COL18A1: variants seen among roughly 807,000 people sequenced by gnomAD.
COL18A1 encodes collagen type XVIII alpha 1 chain, also known as collagen alpha-1(XVIII) chain.
Under a neutral mutation model 168.0 loss-of-function variants are expected in COL18A1, and 133 were observed. That is an observed-to-expected ratio of 0.79 (90% confidence interval 0.69 to 0.91). COL18A1 has a LOEUF of 0.91. COL18A1 is among the 40% of genes least tolerant of loss of function. The probability of loss-of-function intolerance (pLI) is 0.00; values close to 1 mark genes in which losing one functional copy is unlikely to be tolerated. For missense variants in COL18A1, 2,126 were observed against 1,925.4 expected, an observed-to-expected ratio of 1.10 and a Z score of -1.95; for synonymous variants, 949 against 809.0, an observed-to-expected ratio of 1.17 and a Z score of -2.94.
At chr21:45,458,334 G>A (rs929700215) in intron 2 of COL18A1, among the ~76,000 whole-genome samples, 13 of 148,690 alleles carry the variant, frequency 8.7e-5, no homozygotes, top group East Asian at 2.0e-4. Flanking sequence ...TTGGCATCTC[G>A]TAGGGCTGGA....
chr21:45,470,947 G>A (rs1336925188), intron 3 of COL18A1, among the ~76,000 whole-genome samples: 1 of 151,000 alleles, frequency 6.6e-6, no homozygotes. Flanking sequence ...TGGGTGGCGT[G>A]CAGCAGGCCG....
chr21:45,497,470 T>G, intron 31 of COL18A1, 129 bp from the exon 32 acceptor site: 1 of 1,277,846 alleles, frequency 7.8e-7, no homozygotes, highest in Non-Finnish European at 1.1e-6. Context: ...CTACCCTGAC[T>G]GTCCCCATGT....
chr21:45,482,310 G>C, intron 14 of COL18A1: 2 of 680,892 alleles, frequency 2.9e-6, no homozygotes, highest in Non-Finnish European at 5.4e-6. Context: ...TTGGTTACGG[G>C]GCAGTGGCCA....
rs535117992 is a variant in COL18A1, at chr21:45,416,227, C to T, written c.106+10754C>T. Reference sequence around the variant, plus strand: ...GGGAATGGGGACCTTCTCTGAGGTCCATCTTGGTCAGGAGCAGTAGGGCCG... The same window carrying T: ...GGGAATGGGGACCTTCTCTGAGGTCTATCTTGGTCAGGAGCAGTAGGGCCG... On this transcript the variant is annotated intron_variant, in intron 2 of 41. Coordinates refer to ENST00000651438, the MANE Select transcript of COL18A1 (RefSeq NM_001379500.1). Among the ~76,000 whole-genome samples, 13 of 152,290 alleles carry T rather than the reference C, an allele frequency of 8.5e-5. No individual in the cohort carries two copies. In the East Asian group the frequency reaches 2.5e-3, roughly 29 times the overall value.
intron 2 of COL18A1, among the ~76,000 whole-genome samples, chr21:45,437,805 C>A (rs1458996155): frequency 1.4e-5 from 1 of 71,260 alleles, no homozygotes; most frequent in Non-Finnish European, 2.4e-5. Context: ...GACACACAGG[C>A]ACTCTCCTGC....
intron 2 of COL18A1, among the ~76,000 whole-genome samples, chr21:45,439,201 G>C (rs914309117): frequency 6.6e-6 from 1 of 152,242 alleles, no homozygotes; most frequent in Non-Finnish European, 1.5e-5. Flanking sequence ...CGTGTTCCTT[G>C]GTCATTTCCG....
intron 15 of COL18A1, among the ~76,000 whole-genome samples, chr21:45,485,149 A>AT (rs751718038): frequency 0.13 from 6,940 of 54,996 alleles, 1,299 homozygotes; most frequent in Non-Finnish European, 0.17. Context: ...CACCTGGCTA[A>AT]TTTTTTTTTT....
intron 2 of COL18A1, among the ~76,000 whole-genome samples, chr21:45,438,266 ACT>A (rs1491239361): frequency 2.3e-4 from 27 of 116,022 alleles, no homozygotes; most frequent in African/African-American, 4.6e-4. Context: ...ACACACTCAC[ACT>A]CAGACACACA....
intron 2 of COL18A1, among the ~76,000 whole-genome samples, chr21:45,409,115 G>GGCCA (rs1449183837): frequency 1.3e-5 from 2 of 152,146 alleles, no homozygotes; most frequent in Non-Finnish European, 2.9e-5. Flanking sequence ...GCAGAGAAGG[G>GGCCA]GCCACCCCAG....
chr21:45,478,520 G>A (rs1018119872), intron 9 of COL18A1, among the ~76,000 whole-genome samples, 167 bp downstream of exon 9: 1 of 152,188 alleles, frequency 6.6e-6, no homozygotes, highest in Non-Finnish European at 1.5e-5. Flanking sequence ...TGTAACTGTT[G>A]ATGGGAAATA....
At chr21:45,474,363 T>C (rs553717701) in intron 4 of COL18A1, among the ~76,000 whole-genome samples, 40 of 148,168 alleles carry the variant, frequency 2.7e-4, no homozygotes, top group Admixed American at 4.6e-4. Context: ...CTGTGTGGTG[T>C]GTCTGTCTTG....
intron 2 of COL18A1, among the ~76,000 whole-genome samples, chr21:45,405,679 C>T (rs2033075877): frequency 6.6e-6 from 1 of 150,892 alleles, no homozygotes; most frequent in Admixed American, 6.6e-5. Context: ...CCGCGGGGTC[C>T]GGGCCGGGAG....
At chr21:45,413,940 G>A (rs1246961843) in intron 2 of COL18A1, among the ~76,000 whole-genome samples, 1 of 152,222 alleles carries the variant, frequency 6.6e-6, no homozygotes, top group African/African-American at 2.4e-5. Context: ...GAGCTGGGAG[G>A]CGTCTTCTAG....
In COL18A1 at chr21:45,458,192, C is replaced by T. The variant is rs991728057; in HGVS notation, c.107-10050C>T. 5.3e-5 allele frequency among the ~76,000 whole-genome samples: 8 copies of T among 151,248 alleles called. No homozygotes were observed. In the East Asian group the frequency reaches 1.4e-3, roughly 26 times the overall value. On this transcript the variant is annotated intron_variant, in intron 2 of 41. Coordinates refer to ENST00000651438, the MANE Select transcript of COL18A1 (RefSeq NM_001379500.1). ...CTGCGCTGGGGGGGCCTGGTGTGTG[C>T]AGGAGTGGGGGCCCTTGTGGATGCG...
chr21:45,416,578 T>A (rs1483126975), intron 2 of COL18A1, among the ~76,000 whole-genome samples: 1 of 151,878 alleles, frequency 6.6e-6, no homozygotes, highest in Admixed American at 6.6e-5. Context: ...CTCTTAGATT[T>A]CCTCTGAGGA....
At chr21:45,485,180 T>C (rs970648462) in intron 15 of COL18A1, among the ~76,000 whole-genome samples, 2 of 134,108 alleles carry the variant, frequency 1.5e-5, no homozygotes, top group Admixed American at 7.3e-5. Flanking sequence ...TTTTTTTTTT[T>C]AGTAGAGGCA....
intron 2 of COL18A1, among the ~76,000 whole-genome samples, chr21:45,433,129 G>A (rs1410318384): frequency 1.3e-5 from 2 of 152,122 alleles, no homozygotes; most frequent in South Asian, 2.1e-4. Flanking sequence ...AGAGGGTCAC[G>A]GACACCCTTT....
At chr21:45,417,331 T>G (rs2033476266) in intron 2 of COL18A1, among the ~76,000 whole-genome samples, 1 of 152,206 alleles carries the variant, frequency 6.6e-6, no homozygotes, top group African/African-American at 2.4e-5. Context: ...CTTCTGGCGC[T>G]TGCTTCTCTG....
intron 24 of COL18A1, 92 bp from the exon 25 acceptor site, chr21:45,493,071 T>C (rs923053012): frequency 1.5e-6 from 2 of 1,311,328 alleles, no homozygotes; most frequent in South Asian, 1.3e-5. Flanking sequence ...GCAGGCATAT[T>C]GCGGGGGGCA....
Sources: gnomAD v4.1 joint callset for allele counts (sites outside exome capture counted in the v4.1 genomes callset) on GRCh38, gnomAD v4.1.1 for gene constraint, MANE v1.5 for transcripts, NCBI Gene and HGNC (gene_info 2026-07-23, HGNC 2026-07-21) for gene names.